Variants in FANCC observed in about 807,000 individuals in gnomAD.
FANCC encodes FA complementation group C, also known as Fanconi anemia group C protein.
FANCC carries 55 observed loss-of-function variants against 71.3 expected under a neutral mutation model. The ratio of observed to expected loss-of-function variants is 0.77; its 90% CI spans 0.62 to 0.97. The LOEUF (loss-of-function observed/expected upper bound fraction) is 0.97. Among genes scored for constraint, FANCC ranks in the 50% least tolerant of loss-of-function variants. FANCC has a pLI of 0.00. For missense variants in FANCC, 678 were observed against 670.9 expected (o/e 1.01, Z -0.12); for synonymous variants, 275 against 244.9 (o/e 1.12, Z -1.15).
intron 4 of FANCC, among the ~76,000 whole-genome samples, chr9:95,237,212 A>G (rs1162214776): frequency 1.3e-5 from 2 of 152,162 alleles, no homozygotes; most frequent in African/African-American, 4.8e-5. Flanking sequence ...AACCTCGCAT[A>G]TCCTCACCTG....
chr9:95,293,106 A>G (rs1834157457), intron 1 of FANCC: 1 of 1,613,054 alleles, frequency 6.2e-7, no homozygotes, highest in Non-Finnish European at 8.5e-7. Flanking sequence ...CAGACACCCA[A>G]GAACTAGAAG....
At chr9:95,146,878 C>T (rs607105) in intron 7 of FANCC, among the ~76,000 whole-genome samples, 142,665 of 152,120 alleles carry the variant, frequency 0.94, 66,911 homozygotes, top group Middle Eastern at 0.98. Context: ...AAAATTCTTA[C>T]ATTTTTCTTG....
intron 4 of FANCC, among the ~76,000 whole-genome samples, chr9:95,220,131 T>C (rs1351825241): frequency 6.6e-6 from 1 of 152,212 alleles, no homozygotes; most frequent in Non-Finnish European, 1.5e-5. Flanking sequence ...TCGTCATCAC[T>C]GGTCATCAGA....
rs1363166961 is a variant in FANCC, at chr9:95,239,281, C to T, written c.345+1368G>A. ...TGACCTGGTTACCAGTCTGGGAATT[C>T]CCCGAAGGCACAGATTAAGTGTTTT... is the stretch of plus-strand genomic sequence containing the variant. On this transcript the variant is annotated intron_variant, in intron 4 of 14. Transcript: ENST00000289081. Among the ~76,000 whole-genome samples the T allele has an allele frequency of 3.3e-5, 5 of 152,144 alleles. No homozygotes were observed. The South Asian group carries it at 1.0e-3, about 32-fold the overall frequency.
chr9:95,171,867 C>T (rs1430789142), intron 5 of FANCC, among the ~76,000 whole-genome samples, 170 bp downstream of exon 5: 1 of 152,146 alleles, frequency 6.6e-6, no homozygotes, highest in Non-Finnish European at 1.5e-5. Context: ...CATAACTTCC[C>T]ATCTCACATT....
chr9:95,262,203 T>A (rs1341369348), intron 1 of FANCC, among the ~76,000 whole-genome samples: 1 of 151,964 alleles, frequency 6.6e-6, no homozygotes, highest in Non-Finnish European at 1.5e-5. Context: ...TAAAGGTTCC[T>A]CATTTTGGTG....
At chr9:95,286,580 C>A (rs1833701060) in intron 1 of FANCC, among the ~76,000 whole-genome samples, 1 of 152,198 alleles carries the variant, frequency 6.6e-6, no homozygotes, top group Non-Finnish European at 1.5e-5. Context: ...GGAAAACACA[C>A]AACTGAGTGG....
At chr9:95,104,106 T>C (rs1215941473) in intron 14 of FANCC, among the ~76,000 whole-genome samples, 1 of 152,158 alleles carries the variant, frequency 6.6e-6, no homozygotes, top group Non-Finnish European at 1.5e-5. Context: ...GACCCGGCTC[T>C]TTCCAAGGTG....
intron 4 of FANCC, among the ~76,000 whole-genome samples, chr9:95,228,457 CCCA>C (rs1179699720): frequency 6.6e-6 from 1 of 152,212 alleles, no homozygotes; most frequent in Non-Finnish European, 1.5e-5. Context: ...CTCTCCTCAT[CCCA>C]CCACATTTTG....
intron 13 of FANCC, chr9:95,109,759 T>TTAAG (rs1355645087): frequency 6.6e-6 from 1 of 152,258 alleles, no homozygotes; most frequent in East Asian, 1.9e-4. Flanking sequence ...TTGTGCCTTT[T>TTAAG]TAAGTAAATG....
At chr9:95,255,298 A>G (rs1831593501) in intron 1 of FANCC, among the ~76,000 whole-genome samples, 1 of 152,040 alleles carries the variant, frequency 6.6e-6, no homozygotes, top group Admixed American at 6.5e-5. Flanking sequence ...GACACCTCAT[A>G]CAGGAGAGCT....
In FANCC at chr9:95,201,931, A is replaced by G. The variant is rs150783528; in HGVS notation, c.346-29784T>C. ...AACCTCAGACTGGTGATATTGCATTACTTTCTATAAGATACACACTTATAT... is the reference window on the plus strand; with the variant it reads ...AACCTCAGACTGGTGATATTGCATTGCTTTCTATAAGATACACACTTATAT... On this transcript the variant is annotated intron_variant, in intron 4 of 14. Transcript: ENST00000289081. Among the ~76,000 whole-genome samples, 16 of 152,328 alleles carry G rather than the reference A, an allele frequency of 1.1e-4. 1 individual carries two copies. The East Asian group carries it at 2.9e-3, about 28-fold the overall frequency.
At chr9:95,189,567 C>G (rs1045965255) in intron 4 of FANCC, among the ~76,000 whole-genome samples, 2 of 152,220 alleles carry the variant, frequency 1.3e-5, no homozygotes, top group Admixed American at 1.3e-4. Context: ...AAACCAAAAC[C>G]AAAAGGCTTT....
intron 7 of FANCC, among the ~76,000 whole-genome samples, chr9:95,136,412 T>C (rs907398586): frequency 6.6e-6 from 1 of 151,660 alleles, no homozygotes; most frequent in African/African-American, 2.4e-5. Context: ...TCATATATGG[T>C]AGTTATGGCC....
intron 4 of FANCC, among the ~76,000 whole-genome samples, chr9:95,196,582 T>C (rs1374192705): frequency 6.6e-6 from 1 of 152,174 alleles, no homozygotes; most frequent in Non-Finnish European, 1.5e-5. Context: ...CAGAAATAAT[T>C]TGAGATACCA....
Position 95,292,540 on chromosome 9 carries a change from TC to T in FANCC, c.-79+24985del, listed in dbSNP as rs1418565562. On this transcript the variant is annotated intron_variant, in intron 1 of 14. Transcript: ENST00000289081. ...GCCTCCGTGCTGGCGGGGGAGCTGA[TC>T]CAGCAGTAGGTGAGCGAGCTGTCCC... The T allele has an allele frequency of 7.4e-6, 11 of 1,480,922 alleles. No homozygotes were observed. The African/African-American group carries it at 1.3e-4, about 17-fold the overall frequency. 91.7% of individuals were successfully genotyped at this position (1,480,922 alleles called of 1,614,324 possible).
Position 95,263,504 on chromosome 9 carries a change from A to G in FANCC, c.-78-14135T>C, listed in dbSNP as rs10993494. Among the ~76,000 whole-genome samples the G allele has an allele frequency of 3.9e-3, 575 of 146,212 alleles. 28 individuals are homozygous for G. In the East Asian group the frequency reaches 0.092, roughly 23 times the overall value. On this transcript the variant is annotated intron_variant, in intron 1 of 14. Coordinates refer to ENST00000289081, the MANE Select transcript of FANCC (RefSeq NM_000136.3). The stretch of plus-strand genomic sequence containing the variant: ...TGTGTGTGTGTGTGTATGTATGTGT[A>G]TATATATATATATCTATATATATAT...
intron 1 of FANCC, among the ~76,000 whole-genome samples, chr9:95,299,175 CAATT>C (rs1180382472): frequency 3.9e-5 from 6 of 152,156 alleles, no homozygotes; most frequent in Non-Finnish European, 1.5e-5. Flanking sequence ...GAACCGAGGT[CAATT>C]AATAACTAGT....
chr9:95,104,405 G>T (rs1394867894), intron 14 of FANCC, among the ~76,000 whole-genome samples: 1 of 152,148 alleles, frequency 6.6e-6, no homozygotes, highest in East Asian at 1.9e-4. Context: ...TCTTCTCTGT[G>T]GCGGAACTGA....
Sources: allele counts gnomAD v4.1 joint callset (sites outside exome capture counted in the v4.1 genomes callset), GRCh38; gene constraint gnomAD v4.1.1; transcripts MANE v1.5; gene names NCBI Gene and HGNC (gene_info 2026-07-23, HGNC 2026-07-21).